The following MARCHF1 variants were observed in gnomAD, a reference collection of about 807,000 sequenced individuals.
The protein encoded by MARCHF1 is E3 ubiquitin-protein ligase MARCHF1.
In MARCHF1, 40 loss-of-function variants were observed where a neutral mutation model predicts 54.2. That is an observed-to-expected ratio of 0.74 (90% CI 0.57 to 0.96). The LOEUF is 0.96. MARCHF1 is among the 40% of genes least tolerant of loss of function. The probability of loss-of-function intolerance (pLI) is 0.00; values close to 1 mark genes in which losing one functional copy is unlikely to be tolerated. For missense variants in MARCHF1, 586 were observed against 656.5 expected, an observed-to-expected ratio of 0.89 and a Z score of 1.17; for synonymous variants, 236 against 236.3, an observed-to-expected ratio of 1.00 and a Z score of 0.01.
rs113584671 is a variant in MARCHF1 at position 164,191,628 on chromosome 4, T to C, written c.-322-79966A>G. 5.9e-3 allele frequency among the ~76,000 whole-genome samples: 894 copies of C among 152,308 alleles called. 8 individuals carry two copies. The highest frequency in any genetic ancestry group is 0.02 in the African/African-American group (846 of 41,566). Reference sequence around the variant, plus strand: ...CGTTAATCAAGTTTGTACAGGGAAATGTAATTTTGCACTTGTTCTGAAAAA... The same window carrying C: ...CGTTAATCAAGTTTGTACAGGGAAACGTAATTTTGCACTTGTTCTGAAAAA... On this transcript the variant is annotated intron_variant, in intron 1 of 9. Transcript: ENST00000514618.
intron 2 of MARCHF1, among the ~76,000 whole-genome samples, chr4:164,009,568 A>G (rs1192857801): frequency 2.6e-5 from 4 of 152,212 alleles, no homozygotes; most frequent in Admixed American, 1.3e-4. Flanking sequence ...AACTGAAATC[A>G]ACAACATGTT....
intron 1 of MARCHF1, among the ~76,000 whole-genome samples, chr4:164,291,666 C>T (rs1734286262): frequency 6.6e-6 from 1 of 152,002 alleles, no homozygotes; most frequent in Non-Finnish European, 1.5e-5. Context: ...CAAACCTGTA[C>T]AGCATATTTC....
intron 4 of MARCHF1, among the ~76,000 whole-genome samples, chr4:163,767,517 G>C (rs1336524194): frequency 6.6e-6 from 1 of 151,952 alleles, no homozygotes; most frequent in Non-Finnish European, 1.5e-5. Context: ...TGTATTTTTA[G>C]TAGAGACGGG....
At chr4:164,231,785 A>G (rs955638962) in intron 1 of MARCHF1, among the ~76,000 whole-genome samples, 2 of 152,088 alleles carry the variant, frequency 1.3e-5, no homozygotes, top group Non-Finnish European at 2.9e-5. Context: ...CTGAACCTCT[A>G]CTATCATAAG....
chr4:163,963,608 G>T (rs4056338), intron 3 of MARCHF1, among the ~76,000 whole-genome samples: 144,975 of 151,956 alleles, frequency 0.95, 69,395 homozygotes, highest in Non-Finnish European at 1. Context: ...CTTCCAAGTA[G>T]TCACACCCAC....
At chr4:163,613,686 A>G in intron 5 of MARCHF1, 1 of 824,536 alleles carries the variant, frequency 1.2e-6, no homozygotes, top group Non-Finnish European at 1.5e-6. Context: ...TGAGTGGAAT[A>G]GCTCAATTTG....
rs890407153 is a variant in MARCHF1, at chr4:163,527,658, A to T, written c.*1090T>A. 2.6e-5 allele frequency: 4 copies of T among 151,894 alleles called. No homozygotes were observed. Among genetic ancestry groups the T allele is most frequent in the Admixed American group, 1.3e-4 (2 of 15,232 alleles). The allele number at this position is 151,894 out of a possible 1,614,324, so 9.4% of individuals were successfully genotyped here. ...TTGTGACTTTGAAATAAAAGAATGA[A>T]TTAAACTGTTTTGAAATACTCAACA... is the stretch of plus-strand genomic sequence containing the variant. On this transcript the variant is annotated 3_prime_UTR_variant, in exon 10 of 10. Coordinates refer to ENST00000514618, the MANE Select transcript of MARCHF1 (RefSeq NM_001394959.1).
intron 5 of MARCHF1, among the ~76,000 whole-genome samples, chr4:163,641,027 G>T (rs1336462021): frequency 6.6e-6 from 1 of 150,438 alleles, no homozygotes; most frequent in Non-Finnish European, 1.5e-5. Context: ...GTTTTTTTAT[G>T]ATTTTAACAT....
At chr4:163,700,400 G>C (rs1435874892) in intron 5 of MARCHF1, among the ~76,000 whole-genome samples, 1 of 151,966 alleles carries the variant, frequency 6.6e-6, no homozygotes, top group African/African-American at 2.4e-5. Flanking sequence ...AGCTACTCAG[G>C]AGGCTGAGGC....
chr4:164,354,129 C>T (rs1397869074), intron 1 of MARCHF1, among the ~76,000 whole-genome samples: 1 of 95,378 alleles, frequency 1.0e-5, no homozygotes, highest in Non-Finnish European at 2.3e-5. Context: ...CAATAGTTTA[C>T]CAACCAAAAA....
At chr4:163,638,611 T>C (rs1313491107) in intron 5 of MARCHF1, among the ~76,000 whole-genome samples, 1 of 152,074 alleles carries the variant, frequency 6.6e-6, no homozygotes, top group African/African-American at 2.4e-5. Flanking sequence ...TATTTCTATA[T>C]AGCAACACAA....
intron 2 of MARCHF1, among the ~76,000 whole-genome samples, chr4:164,026,783 A>C (rs1381943345): frequency 6.6e-6 from 1 of 152,034 alleles, no homozygotes; most frequent in Non-Finnish European, 1.5e-5. Context: ...AACAGGAAAA[A>C]AAAAGTAGTA....
intron 2 of MARCHF1, among the ~76,000 whole-genome samples, chr4:164,107,067 A>T (rs887749550): frequency 5.9e-5 from 9 of 152,198 alleles, no homozygotes; most frequent in Non-Finnish European, 8.8e-5. Context: ...TCTCTTGATG[A>T]ACTGCTATCC....
At chr4:164,145,039 A>T (rs1488142098) in intron 1 of MARCHF1, among the ~76,000 whole-genome samples, 183 of 130,200 alleles carry the variant, frequency 1.4e-3, no homozygotes, top group South Asian at 1.7e-3. Flanking sequence ...GAATACTACA[A>T]ACACCTCTAC....
At chr4:164,214,279 TTAAG>T (rs1382892290) in intron 1 of MARCHF1, among the ~76,000 whole-genome samples, 1 of 152,202 alleles carries the variant, frequency 6.6e-6, no homozygotes, top group Admixed American at 6.5e-5. Context: ...AGTAAATGGA[TTAAG>T]TTACTACATT....
At chr4:163,567,989 C>A (rs1184128945) in intron 8 of MARCHF1, among the ~76,000 whole-genome samples, 1 of 152,068 alleles carries the variant, frequency 6.6e-6, no homozygotes, top group Non-Finnish European at 1.5e-5. Flanking sequence ...AAATAATCCT[C>A]CTGATATTTA....
intron 3 of MARCHF1, among the ~76,000 whole-genome samples, chr4:163,899,497 C>T (rs564674172): frequency 6.6e-6 from 1 of 152,240 alleles, no homozygotes; most frequent in African/African-American, 2.4e-5. Context: ...AATTCTACTT[C>T]ATTTTTCTTT....
At chr4:163,590,239 T>G (rs1740545355) in intron 7 of MARCHF1, among the ~76,000 whole-genome samples, 2 of 151,606 alleles carry the variant, frequency 1.3e-5, no homozygotes, top group East Asian at 1.9e-4. Flanking sequence ...CATAAGTTTT[T>G]TTTTAAACTC....
chr4:164,236,591 A>G (rs973575865), intron 1 of MARCHF1, among the ~76,000 whole-genome samples: 6 of 152,120 alleles, frequency 3.9e-5, no homozygotes, highest in African/African-American at 1.2e-4. Flanking sequence ...AGGGCAAAGC[A>G]TTGTCTTGTT....
Sources: allele counts gnomAD v4.1 joint callset (sites outside exome capture counted in the v4.1 genomes callset), GRCh38; gene constraint gnomAD v4.1.1; transcripts MANE v1.5; gene names NCBI Gene and HGNC (gene_info 2026-07-23, HGNC 2026-07-21).